The following GNA14 variants were observed in gnomAD, a reference collection of about 807,000 sequenced individuals.
The protein encoded by GNA14 is guanine nucleotide-binding protein subunit alpha-14.
Under a neutral mutation model 42.0 loss-of-function variants are expected in GNA14, and 50 were observed. That is an observed-to-expected ratio of 1.19 (90% confidence interval 0.95 to 1.51). The LOEUF (loss-of-function observed/expected upper bound fraction) is 1.51, where lower values mean the gene tolerates loss of function less well. Among genes scored for constraint, GNA14 ranks in the 40% most tolerant of loss-of-function variants. The probability of loss-of-function intolerance (pLI) is 0.00; values close to 1 mark genes in which losing one functional copy is unlikely to be tolerated. For synonymous variants in GNA14, 173 were observed against 163.1 expected (o/e 1.06, Z -0.46); for missense variants, 473 against 446.2 (o/e 1.06, Z -0.54).
intron 1 of GNA14, among the ~76,000 whole-genome samples, chr9:77,573,627 G>A (rs769923487): frequency 1.3e-5 from 2 of 152,160 alleles, no homozygotes; most frequent in Non-Finnish European, 2.9e-5. Flanking sequence ...GGCAAAGGAT[G>A]AGCAATACAC....
At chr9:77,463,234 G>A (rs1425196750) in intron 2 of GNA14, among the ~76,000 whole-genome samples, 7 of 152,188 alleles carry the variant, frequency 4.6e-5, no homozygotes, top group Admixed American at 1.3e-4. Context: ...CTCTCTGGAT[G>A]AGGAAAGATA....
chr9:77,481,734 T>C (rs1836556012), intron 2 of GNA14, among the ~76,000 whole-genome samples: 1 of 152,214 alleles, frequency 6.6e-6, no homozygotes, highest in South Asian at 2.1e-4. Flanking sequence ...TGGGTGCTCC[T>C]GTATTGGGTG....
intron 1 of GNA14, among the ~76,000 whole-genome samples, chr9:77,608,351 G>C (rs1487152976): frequency 6.6e-6 from 1 of 152,122 alleles, no homozygotes; most frequent in Admixed American, 6.5e-5. Flanking sequence ...TTTGCTTCAG[G>C]ATGAATCGTA....
intron 1 of GNA14, among the ~76,000 whole-genome samples, chr9:77,538,772 G>A (rs539672096): frequency 4.0e-4 from 61 of 152,128 alleles, no homozygotes; most frequent in African/African-American, 1.3e-3. Flanking sequence ...TTTGTATGTT[G>A]ATTTTGTGTC....
intron 1 of GNA14, among the ~76,000 whole-genome samples, chr9:77,629,376 T>C (rs1438557792): frequency 6.6e-6 from 1 of 152,244 alleles, no homozygotes; most frequent in Non-Finnish European, 1.5e-5. Flanking sequence ...ATCCCATTAC[T>C]GGGTATATAC....
intron 1 of GNA14, among the ~76,000 whole-genome samples, chr9:77,617,152 G>A (rs998636555): frequency 1.1e-4 from 17 of 152,008 alleles, no homozygotes; most frequent in African/African-American, 3.4e-4. Context: ...TTACAGGCGT[G>A]AGCCACTGCG....
chr9:77,496,994 G>A (rs1241878752), intron 2 of GNA14, among the ~76,000 whole-genome samples: 2 of 151,910 alleles, frequency 1.3e-5, no homozygotes, highest in Admixed American at 6.6e-5. Context: ...CCTCCATCTC[G>A]TATTCCTCTT....
At chr9:77,534,183 G>A (rs537897161) in intron 1 of GNA14, among the ~76,000 whole-genome samples, 1 of 152,232 alleles carries the variant, frequency 6.6e-6, no homozygotes, top group South Asian at 2.1e-4. Context: ...CAGTGATCTG[G>A]GAACCACATT....
intron 1 of GNA14, among the ~76,000 whole-genome samples, chr9:77,553,582 A>C (rs990645803): frequency 6.6e-5 from 10 of 152,230 alleles, no homozygotes; most frequent in African/African-American, 2.4e-4. Flanking sequence ...CATGGAGTGC[A>C]AATGAAAATC....
At chr9:77,426,993 T>G (rs556546364) in intron 5 of GNA14, among the ~76,000 whole-genome samples, 3 of 152,114 alleles carry the variant, frequency 2.0e-5, no homozygotes, top group Non-Finnish European at 4.4e-5. Context: ...CGATCTGGAA[T>G]GTATTAAAGC....
chr9:77,607,074 G>A (rs1198136468), intron 1 of GNA14, among the ~76,000 whole-genome samples: 1 of 152,156 alleles, frequency 6.6e-6, no homozygotes, highest in Admixed American at 6.5e-5. Context: ...TGTTATTTAA[G>A]CCACCCAGTC....
intron 1 of GNA14, among the ~76,000 whole-genome samples, chr9:77,530,962 C>G (rs1450986735): frequency 6.6e-6 from 1 of 152,204 alleles, no homozygotes; most frequent in Non-Finnish European, 1.5e-5. Flanking sequence ...GTGTCAATGC[C>G]TTGGCCTTCA....
At chr9:77,447,481 T>A (rs111975898) in intron 2 of GNA14, among the ~76,000 whole-genome samples, 2,282 of 152,296 alleles carry the variant, frequency 0.015, 24 homozygotes, top group Non-Finnish European at 0.023. Flanking sequence ...ATTCTATTTC[T>A]TTTTCAGTTT....
intron 1 of GNA14, among the ~76,000 whole-genome samples, chr9:77,547,692 A>G (rs940630389): frequency 6.6e-6 from 1 of 152,208 alleles, no homozygotes; most frequent in Non-Finnish European, 1.5e-5. Flanking sequence ...CCAGATTTCT[A>G]GCATGCTAGT....
chr9:77,493,026 A>AAAATAT (rs1554691641), intron 2 of GNA14, among the ~76,000 whole-genome samples: 8 of 51,712 alleles, frequency 1.5e-4, no homozygotes, highest in African/African-American at 7.9e-4. Flanking sequence ...AAAAAAAAAA[A>AAAATAT]ATATATATAT....
chr9:77,631,751 A>G lies in GNA14; in HGVS notation c.124+15919T>C, dbSNP rs190667899. 2.2e-3 allele frequency among the ~76,000 whole-genome samples: 341 copies of G among 152,064 alleles called. 1 individual carries two copies. Among genetic ancestry groups the G allele is most frequent in the Non-Finnish European group, 4.3e-3 (290 of 68,026 alleles). ...CCCTTCTACTATTTGAAGTTCAAGT[A>G]TTCTTTCTTTATGCAATAATGTTGA... On this transcript the variant is annotated intron_variant, in intron 1 of 6. Transcript: ENST00000341700.
chr9:77,613,844 C>A (rs1823770323), intron 1 of GNA14, among the ~76,000 whole-genome samples: 1 of 152,192 alleles, frequency 6.6e-6, no homozygotes, highest in South Asian at 2.1e-4. Flanking sequence ...TTTCTCTCCT[C>A]TTCCTTGCCA....
intron 4 of GNA14, 48 bp downstream of exon 4, chr9:77,431,273 T>G (rs998526944): frequency 6.3e-7 from 1 of 1,584,700 alleles, no homozygotes; most frequent in African/African-American, 1.3e-5. Flanking sequence ...CCTGGGGACT[T>G]CCAAGCCTGG....
In GNA14 at chr9:77,515,898, T is replaced by G. The variant is rs985849655; in HGVS notation, c.309+13171A>C. On this transcript the variant is annotated intron_variant, in intron 2 of 6. Coordinates refer to ENST00000341700, the MANE Select transcript of GNA14 (RefSeq NM_004297.4). ...TTGCTTAAGCCTGGGAGGTCGAGGT[T>G]GCAGTGAGCCATGATCATGCCACTG... 6.5e-5 allele frequency among the ~76,000 whole-genome samples: 9 copies of G among 138,826 alleles called. No individual in the cohort carries two copies. In the Admixed American group the frequency reaches 7.2e-4, roughly 11 times the overall value. 91.1% of individuals were successfully genotyped at this position (138,826 alleles called of 152,430 possible). A position where few individuals can be genotyped will look rare whatever the true frequency, so the allele number is the denominator to read the frequency against.
Sources: gnomAD v4.1 joint callset for allele counts (sites outside exome capture counted in the v4.1 genomes callset) on GRCh38, gnomAD v4.1.1 for gene constraint, MANE v1.5 for transcripts, NCBI Gene and HGNC (gene_info 2026-07-23, HGNC 2026-07-21) for gene names.